BBX: variants seen among roughly 807,000 people sequenced by gnomAD.
The protein encoded by BBX is BBX high mobility group box domain containing, also known as HMG box transcription factor BBX.
In BBX, 30 loss-of-function variants were observed where a neutral mutation model predicts 100.2. That is an observed-to-expected ratio of 0.30 (90% CI 0.22 to 0.41). The LOEUF is 0.41. Ranked by LOEUF, BBX falls within the 10% of genes least tolerant of loss-of-function variation. The probability of loss-of-function intolerance (pLI) is 1.00; values close to 1 mark genes in which losing one functional copy is unlikely to be tolerated. For synonymous variants in BBX, 376 were observed against 388.1 expected (o/e 0.97, Z 0.37); for missense variants, 1,023 against 1,129.8 (o/e 0.91, Z 1.35).
At position 107,799,246 on chromosome 3, in the gene BBX, C is replaced by T. The variant is rs138557434; in HGVS notation, c.2551+526C>T. On this transcript the variant is annotated intron_variant, in intron 16 of 17. Transcript: ENST00000325805. ...GGGCTGCATTCAAAGCTGTCCCCAG[C>T]CACATGCAGCCTGCAGGCCATGGGT... 2.7e-3 allele frequency among the ~76,000 whole-genome samples: 412 copies of T among 152,236 alleles called. 4 individuals carry two copies. Among genetic ancestry groups the T allele is most frequent in the East Asian group, 7.1e-3 (37 of 5,186 alleles).
chr3:107,527,101 C>T (rs546087502), intron 2 of BBX, among the ~76,000 whole-genome samples: 1 of 152,198 alleles, frequency 6.6e-6, no homozygotes, highest in African/African-American at 2.4e-5. Context: ...ATGTGTGGGA[C>T]AGTAAGTGTG....
intron 2 of BBX, among the ~76,000 whole-genome samples, chr3:107,565,770 A>AT (rs1245686009): frequency 1.3e-5 from 2 of 149,824 alleles, no homozygotes; most frequent in African/African-American, 4.9e-5. Flanking sequence ...TTTTTTTTTT[A>AT]TTTTTTATTT....
chr3:107,564,883 A>C (rs1336343598), intron 2 of BBX, among the ~76,000 whole-genome samples: 1 of 152,056 alleles, frequency 6.6e-6, no homozygotes, highest in Non-Finnish European at 1.5e-5. Flanking sequence ...TGAATGTTGC[A>C]TTTGGATTTT....
At chr3:107,625,373 A>G (rs754914270) in intron 2 of BBX, among the ~76,000 whole-genome samples, 4 of 152,088 alleles carry the variant, frequency 2.6e-5, no homozygotes, top group Non-Finnish European at 5.9e-5. Context: ...CACCACACAC[A>G]CAGTAGCGAT....
At chr3:107,663,074 C>T (rs1390741368) in intron 3 of BBX, among the ~76,000 whole-genome samples, 1 of 152,070 alleles carries the variant, frequency 6.6e-6, no homozygotes, top group Non-Finnish European at 1.5e-5. Flanking sequence ...GCTAATAAAA[C>T]ATTAGAAAAC....
At chr3:107,667,557 C>A (rs1196556747) in intron 3 of BBX, among the ~76,000 whole-genome samples, 3 of 151,584 alleles carry the variant, frequency 2.0e-5, no homozygotes. Context: ...ATATGTGATA[C>A]AAAATTTTCT....
At chr3:107,648,591 T>G (rs114992507) in intron 3 of BBX, among the ~76,000 whole-genome samples, 1,689 of 152,236 alleles carry the variant, frequency 0.011, 24 homozygotes, top group African/African-American at 0.039. Context: ...TTTGTCTACT[T>G]AAGTTCAATT....
intron 10 of BBX, among the ~76,000 whole-genome samples, chr3:107,768,249 T>C (rs2066555514): frequency 1.3e-5 from 2 of 152,244 alleles, no homozygotes; most frequent in Admixed American, 1.3e-4. Context: ...CCTCATTTTC[T>C]ATTTGGTATA....
intron 2 of BBX, among the ~76,000 whole-genome samples, chr3:107,563,782 A>G (rs1023839196): frequency 1.3e-5 from 2 of 152,146 alleles, no homozygotes; most frequent in African/African-American, 4.8e-5. Flanking sequence ...CTTGCCCTTT[A>G]TATCCAGTGC....
chr3:107,586,155 C>A (rs1211848513), intron 2 of BBX, among the ~76,000 whole-genome samples: 1 of 152,132 alleles, frequency 6.6e-6, no homozygotes, highest in African/African-American at 2.4e-5. Flanking sequence ...AATTCACCCA[C>A]ATCATTCTCT....
intron 2 of BBX, 173 bp downstream of exon 2, chr3:107,526,571 C>G (rs1432092176): frequency 5.1e-6 from 2 of 390,330 alleles, no homozygotes; most frequent in Non-Finnish European, 9.0e-6. Flanking sequence ...GTTTAGAATT[C>G]AGCTGTGGGT....
chr3:107,798,414 G>A (rs2069990865), intron 15 of BBX, 109 bp from the exon 16 acceptor site: 3 of 1,045,020 alleles, frequency 2.9e-6, no homozygotes, highest in Non-Finnish European at 4.3e-6. Context: ...AACTCTGAGT[G>A]TAAATTCTCC....
At chr3:107,574,287 A>G (rs1050253301) in intron 2 of BBX, among the ~76,000 whole-genome samples, 1 of 152,222 alleles carries the variant, frequency 6.6e-6, no homozygotes, top group Non-Finnish European at 1.5e-5. Context: ...CCAATATCAC[A>G]CACCTAATAG....
At chr3:107,692,582 T>A (rs1159148853) in intron 3 of BBX, among the ~76,000 whole-genome samples, 2 of 152,194 alleles carry the variant, frequency 1.3e-5, no homozygotes, top group African/African-American at 4.8e-5. Context: ...CACATTTTCT[T>A]AATCCAGTCT....
At chr3:107,794,305 C>T (rs2069375495) in intron 15 of BBX, among the ~76,000 whole-genome samples, 1 of 152,020 alleles carries the variant, frequency 6.6e-6, no homozygotes, top group South Asian at 2.1e-4. Context: ...GCCTGAGCAA[C>T]ACAAGCAGAT....
rs1254642947 is a variant in BBX at position 107,806,184 on chromosome 3, G to A, written c.*727G>A. 6.6e-6 allele frequency: 1 copy of A among 151,688 alleles called. No homozygotes were observed. The highest frequency in any genetic ancestry group is 1.5e-5 in the Non-Finnish European group (1 of 67,926). The allele number at this position is 151,688 out of a possible 1,614,324, so 9.4% of individuals were successfully genotyped here. On this transcript the variant is annotated 3_prime_UTR_variant, in exon 18 of 18. Coordinates refer to ENST00000325805, the MANE Select transcript of BBX (RefSeq NM_001142568.3). ...CAATCTGAATTTTTTTCTTAGCCTTGAGTGACCAAGAAGAATTTGCTTGAG... is the reference window on the plus strand; with the variant it reads ...CAATCTGAATTTTTTTCTTAGCCTTAAGTGACCAAGAAGAATTTGCTTGAG...
intron 2 of BBX, among the ~76,000 whole-genome samples, chr3:107,538,205 T>A (rs1312521143): frequency 6.6e-6 from 1 of 152,208 alleles, no homozygotes; most frequent in Non-Finnish European, 1.5e-5. Context: ...GGGTTTTTTT[T>A]ATGTTAATAA....
At chr3:107,771,332 A>C (rs2066892851) in intron 10 of BBX, among the ~76,000 whole-genome samples, 1 of 152,192 alleles carries the variant, frequency 6.6e-6, no homozygotes, top group Admixed American at 6.5e-5. Context: ...GCTCTATATT[A>C]AAGTTTCAAG....
chr3:107,556,032 T>C (rs567326776), intron 2 of BBX, among the ~76,000 whole-genome samples: 4 of 152,156 alleles, frequency 2.6e-5, no homozygotes, highest in African/African-American at 9.6e-5. Context: ...TCTTGTGAGG[T>C]TGATGTCAGG....
Sources: allele counts gnomAD v4.1 joint callset (sites outside exome capture counted in the v4.1 genomes callset), GRCh38; gene constraint gnomAD v4.1.1; transcripts MANE v1.5; gene names NCBI Gene and HGNC (gene_info 2026-07-23, HGNC 2026-07-21).